IDO2: variants seen among roughly 807,000 people sequenced by gnomAD.
The protein encoded by IDO2 is indoleamine 2,3-dioxygenase-like 1 protein.
IDO2 carries 46 observed loss-of-function variants against 45.1 expected under a neutral mutation model. That is an observed-to-expected ratio of 1.02 (90% confidence interval 0.80 to 1.30). The LOEUF (loss-of-function observed/expected upper bound fraction) is 1.30, where lower values mean the gene tolerates loss of function less well. IDO2 is among the 50% of genes most tolerant of loss of function. The pLI is 0.00. For synonymous variants in IDO2, 218 were observed against 184.9 expected, an observed-to-expected ratio of 1.18 and a Z score of -1.45; for missense variants, 544 against 491.8, an observed-to-expected ratio of 1.11 and a Z score of -1.00.
chr8:40,006,989 G>C (rs151202758), intron 9 of IDO2, among the ~76,000 whole-genome samples: 2 of 152,132 alleles, frequency 1.3e-5, no homozygotes, highest in East Asian at 3.9e-4. Flanking sequence ...TACTCTCTTT[G>C]CTTAAACAAA....
At chr8:39,980,742 CTTTTCT>C (rs923104617) in intron 4 of IDO2, among the ~76,000 whole-genome samples, 4 of 151,910 alleles carry the variant, frequency 2.6e-5, no homozygotes, top group Non-Finnish European at 4.4e-5. Flanking sequence ...CAATGCATCT[CTTTTCT>C]TTTTCTTTTT....
chr8:39,965,369 C>T (rs1468110195), intron 3 of IDO2, among the ~76,000 whole-genome samples: 1 of 152,098 alleles, frequency 6.6e-6, no homozygotes, highest in African/African-American at 2.4e-5. Context: ...TGCCTGTAGT[C>T]CCAGCTATTT....
At chr8:40,005,418 T>A in intron 9 of IDO2, 40 bp downstream of exon 9, 1 of 1,310,198 alleles carries the variant, frequency 7.6e-7, no homozygotes, top group Non-Finnish European at 1.1e-6. Context: ...GAAGTCTCTG[T>A]AGCATTGACT....
intron 3 of IDO2, among the ~76,000 whole-genome samples, chr8:39,966,764 A>G (rs972164885): frequency 6.6e-6 from 1 of 152,228 alleles, no homozygotes; most frequent in Non-Finnish European, 1.5e-5. Flanking sequence ...GAAATACAAT[A>G]AGAAAATCCA....
chr8:39,958,345 C>T (rs146410669), intron 2 of IDO2, among the ~76,000 whole-genome samples: 1 of 125,400 alleles, frequency 8.0e-6, no homozygotes, highest in East Asian at 2.5e-4. Context: ...GCGATTCTCC[C>T]GCCTCAGCCT....
chr8:39,963,056 T>A (rs529440162), intron 2 of IDO2, among the ~76,000 whole-genome samples: 1 of 152,370 alleles, frequency 6.6e-6, no homozygotes, highest in Non-Finnish European at 1.5e-5. Flanking sequence ...CAGGGACCCT[T>A]CCCTATCTGC....
chr8:39,979,545 G>A (rs758043084), intron 4 of IDO2, among the ~76,000 whole-genome samples: 1 of 152,058 alleles, frequency 6.6e-6, no homozygotes, highest in Non-Finnish European at 1.5e-5. Context: ...GTAGAGATGG[G>A]TTTCACCATG....
At chr8:40,013,650 G>A (rs774686268) in exon 10 of IDO2, 3 of 1,613,878 alleles carry the variant, frequency 1.9e-6, no homozygotes, top group East Asian at 2.2e-5. Flanking sequence ...CGGGAGTGCA[G>A]CTCAGAGCAC....
intron 8 of IDO2, among the ~76,000 whole-genome samples, 200 bp from the exon 9 acceptor site, chr8:40,005,127 A>T (rs1802200898): frequency 6.6e-6 from 1 of 152,204 alleles, no homozygotes; most frequent in Non-Finnish European, 1.5e-5. Flanking sequence ...CAACATATGG[A>T]ATAGTTTAGA....
intron 3 of IDO2, among the ~76,000 whole-genome samples, chr8:39,966,542 G>T (rs1196229801): frequency 6.6e-6 from 1 of 152,150 alleles, no homozygotes; most frequent in Non-Finnish European, 1.5e-5. Context: ...GTGTTCTCTG[G>T]ATCCTTTACT....
intron 5 of IDO2, among the ~76,000 whole-genome samples, chr8:39,984,733 A>G (rs529628901): frequency 6.6e-6 from 1 of 152,318 alleles, no homozygotes; most frequent in South Asian, 2.1e-4. Context: ...AATGTCAAAG[A>G]GTGACTCAAA....
At chr8:39,940,543 G>A (rs940205675) in intron 1 of IDO2, among the ~76,000 whole-genome samples, 1 of 152,158 alleles carries the variant, frequency 6.6e-6, no homozygotes, top group Non-Finnish European at 1.5e-5. Flanking sequence ...GGAAGTATTA[G>A]CAGTTGAGAT....
At chr8:39,985,574 A>G (rs1285104533) in intron 6 of IDO2, 52 bp downstream of exon 6, 2 of 1,447,220 alleles carry the variant, frequency 1.4e-6, no homozygotes. Flanking sequence ...CAAATTTAAA[A>G]TCTTACAATA....
intron 8 of IDO2, among the ~76,000 whole-genome samples, chr8:39,992,264 C>A (rs1801949660): frequency 6.6e-6 from 1 of 152,180 alleles, no homozygotes; most frequent in South Asian, 2.1e-4. Flanking sequence ...AACCTTGTGT[C>A]CTGAGCCACT....
intron 9 of IDO2, among the ~76,000 whole-genome samples, chr8:40,012,157 G>T (rs1239600475): frequency 6.6e-6 from 1 of 152,216 alleles, no homozygotes; most frequent in Admixed American, 6.5e-5. Context: ...ATGTGTATAT[G>T]GTGTGTGTGT....
intron 2 of IDO2, among the ~76,000 whole-genome samples, chr8:39,951,676 G>A (rs1481343011): frequency 6.6e-6 from 1 of 152,158 alleles, no homozygotes; most frequent in African/African-American, 2.4e-5. Context: ...CTGACCTTGA[G>A]CCAGTGCTTG....
chr8:40,012,554 T>A (rs927121507), intron 9 of IDO2, among the ~76,000 whole-genome samples: 2 of 152,230 alleles, frequency 1.3e-5, no homozygotes, highest in African/African-American at 4.8e-5. Context: ...TACAGCATGG[T>A]AGGTGCAAAT....
chr8:39,963,970 G>T (rs1808041690), intron 3 of IDO2, among the ~76,000 whole-genome samples: 1 of 152,190 alleles, frequency 6.6e-6, no homozygotes, highest in African/African-American at 2.4e-5. Flanking sequence ...GAAGAATCTG[G>T]GTGGGAATGA....
intron 6 of IDO2, chr8:39,985,961 C>G (rs1808415691): frequency 6.5e-6 from 1 of 154,542 alleles, no homozygotes. Context: ...TCCCGAGTAC[C>G]TGAGATTACA....
Sources: allele counts gnomAD v4.1 joint callset (sites outside exome capture counted in the v4.1 genomes callset), GRCh38; gene constraint gnomAD v4.1.1; transcripts MANE v1.5; gene names NCBI Gene and HGNC (gene_info 2026-07-23, HGNC 2026-07-21).